PRKCE: variants seen among roughly 807,000 people sequenced by gnomAD.
The protein encoded by PRKCE is protein kinase C epsilon, also known as protein kinase C epsilon type.
In PRKCE, 16 loss-of-function variants were observed where a neutral mutation model predicts 85.4. The observed-to-expected ratio is 0.19, with a 90% CI of 0.13 to 0.28. PRKCE has a LOEUF of 0.28. PRKCE is among the 10% of genes least tolerant of loss of function. The pLI is 1.00. For synonymous variants in PRKCE, 388 were observed against 371.5 expected, an observed-to-expected ratio of 1.04 and a Z score of -0.51; for missense variants, 573 against 975.2, an observed-to-expected ratio of 0.59 and a Z score of 5.49.
intron 10 of PRKCE, among the ~76,000 whole-genome samples, chr2:46,016,081 A>G (rs574719550): frequency 6.6e-6 from 1 of 152,334 alleles, no homozygotes; most frequent in Non-Finnish European, 1.5e-5. Flanking sequence ...AGAATCAGTT[A>G]TTAATAGAAT....
intron 1 of PRKCE, among the ~76,000 whole-genome samples, chr2:45,828,259 C>G (rs990497800): frequency 6.6e-6 from 1 of 152,196 alleles, no homozygotes; most frequent in Non-Finnish European, 1.5e-5. Flanking sequence ...GATTAAAAAT[C>G]TGTTGAAAAC....
intron 11 of PRKCE, among the ~76,000 whole-genome samples, chr2:46,089,354 A>C (rs186130946): frequency 1.3e-5 from 2 of 152,138 alleles, no homozygotes; most frequent in African/African-American, 4.8e-5. Context: ...ACCTCTCCCC[A>C]TCAATGTTGG....
Position 45,933,832 on chromosome 2 carries a change from A to G in PRKCE, c.413-42597A>G, listed in dbSNP as rs548404623. Among the ~76,000 whole-genome samples the G allele has an allele frequency of 6.6e-5, 10 of 152,288 alleles. 1 individual carries two copies. In the South Asian group the frequency reaches 1.9e-3, roughly 28 times the overall value. On this transcript the variant is annotated intron_variant, in intron 2 of 14. Coordinates refer to ENST00000306156, the MANE Select transcript of PRKCE (RefSeq NM_005400.3). ...TGACCCTAGGGGAACTAGGCTGCTTATAGCACAATCATAAGATTTGGGCAG... is the reference window on the plus strand; with the variant it reads ...TGACCCTAGGGGAACTAGGCTGCTTGTAGCACAATCATAAGATTTGGGCAG...
chr2:45,809,656 G>A (rs1688508451), intron 1 of PRKCE, among the ~76,000 whole-genome samples: 1 of 151,834 alleles, frequency 6.6e-6, no homozygotes, highest in Admixed American at 6.6e-5. Context: ...GGCTGAGGTG[G>A]GCGGATCACC....
intron 1 of PRKCE, chr2:45,686,458 T>A (rs1182556987): frequency 2.0e-5 from 3 of 152,154 alleles, no homozygotes; most frequent in Non-Finnish European, 4.4e-5. Flanking sequence ...AAGAGAGAAA[T>A]TGGCTTATCA....
chr2:45,958,268 G>A (rs955150214), intron 2 of PRKCE, among the ~76,000 whole-genome samples: 1 of 151,160 alleles, frequency 6.6e-6, no homozygotes, highest in Admixed American at 6.6e-5. Flanking sequence ...CCAGCACTTT[G>A]GGAGGCCAAG....
At chr2:45,792,768 G>A (rs546521675) in intron 1 of PRKCE, among the ~76,000 whole-genome samples, 34 of 152,274 alleles carry the variant, frequency 2.2e-4, no homozygotes, top group South Asian at 1.5e-3. Flanking sequence ...CCATTTTGTC[G>A]TGAGCACTGA....
chr2:46,044,092 G>A (rs1708374710), intron 10 of PRKCE, among the ~76,000 whole-genome samples: 1 of 152,188 alleles, frequency 6.6e-6, no homozygotes. Flanking sequence ...CACCAACTAT[G>A]CAAATTCAAT....
chr2:45,795,725 T>C (rs1553413231), intron 1 of PRKCE, among the ~76,000 whole-genome samples: 2 of 152,202 alleles, frequency 1.3e-5, no homozygotes, highest in Non-Finnish European at 2.9e-5. Flanking sequence ...TGGGCCCTGG[T>C]TCCGTCAGCA....
chr2:45,926,345 A>C (rs925121905), intron 2 of PRKCE, among the ~76,000 whole-genome samples: 1 of 152,194 alleles, frequency 6.6e-6, no homozygotes, highest in Non-Finnish European at 1.5e-5. Flanking sequence ...CTTCAAATAA[A>C]AGCCTTTCAC....
chr2:45,723,674 G>A (rs888103439), intron 1 of PRKCE, among the ~76,000 whole-genome samples: 1 of 152,046 alleles, frequency 6.6e-6, no homozygotes, highest in Non-Finnish European at 1.5e-5. Context: ...GCGCGATCTC[G>A]GCTCACTGCA....
intron 2 of PRKCE, among the ~76,000 whole-genome samples, chr2:45,878,736 A>G (rs1694661679): frequency 6.6e-6 from 1 of 152,230 alleles, no homozygotes; most frequent in South Asian, 2.1e-4. Flanking sequence ...ACAGCAGAAT[A>G]AAAAGCTTTA....
In PRKCE at chr2:45,651,791, A is replaced by G. The variant is rs957471018; in HGVS notation, c.-310A>G. 1.7e-5 allele frequency: 4 copies of G among 238,280 alleles called. No individual in the cohort carries two copies. The Admixed American group carries it at 2.1e-4, about 12-fold the overall frequency. The allele number at this position is 238,280 out of a possible 1,614,324, so 14.8% of individuals were successfully genotyped here. ...CGGCGAGGCAGCCCCCGCGGCTTGCAGCGGAGCCGACAGCTCGTCTTCTCT... is the reference window on the plus strand; with the variant it reads ...CGGCGAGGCAGCCCCCGCGGCTTGCGGCGGAGCCGACAGCTCGTCTTCTCT... On this transcript the variant is annotated 5_prime_UTR_variant, in exon 1 of 15. Coordinates refer to ENST00000306156, the MANE Select transcript of PRKCE (RefSeq NM_005400.3).
intron 1 of PRKCE, among the ~76,000 whole-genome samples, chr2:45,799,434 T>C (rs940012248): frequency 2.0e-5 from 3 of 152,170 alleles, no homozygotes; most frequent in African/African-American, 7.2e-5. Flanking sequence ...GTGCCTGTAG[T>C]CCTAGCTACT....
chr2:45,708,631 TTTG>T (rs2104335157), intron 1 of PRKCE, among the ~76,000 whole-genome samples: 1 of 152,334 alleles, frequency 6.6e-6, no homozygotes, highest in South Asian at 2.1e-4. Context: ...ACCTCTTTCT[TTTG>T]TTAATTGCCC....
chr2:46,162,303 C>G (rs1677856649), intron 14 of PRKCE, among the ~76,000 whole-genome samples: 1 of 152,138 alleles, frequency 6.6e-6, no homozygotes, highest in African/African-American at 2.4e-5. Context: ...CAGAAAGACC[C>G]TGTTTGCTTT....
intron 3 of PRKCE, 88 bp from the exon 4 acceptor site, chr2:45,978,888 T>A: frequency 9.1e-7 from 1 of 1,096,948 alleles, no homozygotes; most frequent in East Asian, 2.4e-5. Flanking sequence ...GCTATGTGGG[T>A]GGTGGCCCAA....
chr2:45,767,609 G>A (rs1001785384), intron 1 of PRKCE, among the ~76,000 whole-genome samples: 5 of 152,218 alleles, frequency 3.3e-5, no homozygotes, highest in Non-Finnish European at 7.3e-5. Flanking sequence ...ATCTCCGGGG[G>A]CATAAGTTTT....
chr2:45,682,119 T>C (rs948438890), intron 1 of PRKCE, among the ~76,000 whole-genome samples: 1 of 152,192 alleles, frequency 6.6e-6, no homozygotes, highest in Non-Finnish European at 1.5e-5. Context: ...TATTAAATTT[T>C]TTACAAACAG....
Sources: allele counts gnomAD v4.1 joint callset (sites outside exome capture counted in the v4.1 genomes callset), GRCh38; gene constraint gnomAD v4.1.1; transcripts MANE v1.5; gene names NCBI Gene and HGNC (gene_info 2026-07-23, HGNC 2026-07-21).